GSE1: variants seen among roughly 807,000 people sequenced by gnomAD.
GSE1 encodes genetic suppressor element 1.
Under a neutral mutation model 112.6 loss-of-function variants are expected in GSE1, and 32 were observed. The observed-to-expected ratio is 0.28, with a 90% CI of 0.21 to 0.38. The LOEUF (loss-of-function observed/expected upper bound fraction) is 0.38. Ranked by LOEUF, GSE1 falls within the 10% of genes least tolerant of loss-of-function variation. The pLI, the probability that GSE1 is intolerant of heterozygous loss-of-function variation, is 1.00. For missense variants in GSE1, 2,348 were observed against 1,699.2 expected, an observed-to-expected ratio of 1.38 and a Z score of -6.71; for synonymous variants, 1,115 against 735.6, an observed-to-expected ratio of 1.52 and a Z score of -8.35.
chr16:85,551,932 C>T (rs1008547449), upstream of GSE1, among the ~76,000 whole-genome samples: 3 of 152,248 alleles, frequency 2.0e-5, no homozygotes, highest in Non-Finnish European at 2.9e-5. Context: ...TCTTCTCTGG[C>T]CCTCTCCTTC....
intron 1 of GSE1, among the ~76,000 whole-genome samples, chr16:85,256,194 C>G (rs1198031022): frequency 6.6e-6 from 1 of 151,934 alleles, no homozygotes; most frequent in Non-Finnish European, 1.5e-5. Flanking sequence ...GGCAGGCAGA[C>G]TCGGACAGCA....
chr16:85,473,043 C>T (rs1300318740), intron 2 of GSE1, among the ~76,000 whole-genome samples: 4 of 152,234 alleles, frequency 2.6e-5, no homozygotes, highest in South Asian at 2.1e-4. Context: ...GAGGTGCGCC[C>T]GGCACCAAGA....
chr16:85,560,110 C>CT lies in GSE1; in HGVS notation c.37+3755dup, dbSNP rs1361428723. Reference sequence around the variant, plus strand: ...GAATTATTTGCAGCAAGTCACAGAGCTTTTTTTTCTTCTTCTTCTTTTTTT... The same window carrying CT: ...GAATTATTTGCAGCAAGTCACAGAGCTTTTTTTTTCTTCTTCTTCTTTTTTT... On this transcript the variant is annotated intron_variant, in intron 1 of 2. Transcript: ENST00000635906. Among the ~76,000 whole-genome samples the CT allele has an allele frequency of 4.5e-5, 6 of 134,012 alleles. No individual in the cohort carries two copies. The South Asian group carries it at 9.7e-4, about 22-fold the overall frequency. 87.9% of individuals were successfully genotyped at this position (134,012 alleles called of 152,430 possible).
intron 1 of GSE1, among the ~76,000 whole-genome samples, chr16:85,591,931 C>T (rs1448941390): frequency 6.6e-6 from 1 of 152,176 alleles, no homozygotes; most frequent in Non-Finnish European, 1.5e-5. Flanking sequence ...CCTCCAGCCA[C>T]ATGTGGCTAT....
chr16:85,668,268 A>C lies in GSE1; in HGVS notation c.3259A>C (p.Thr1087Pro), dbSNP rs1036881303. ...PQHNGQQEPP[T>P]ARKGPPTQEL... ...GCACAATGGGCAGCAGGAGCCCCCC[A>C]CTGCAAGGAAGGGCCCCCCAACCCA... The change falls in exon 14 of 16, where the codon ACT becomes CCT. Residue 1087 changes from threonine (T) to proline (P), a missense_variant. Coordinates refer to ENST00000253458, the MANE Select transcript of GSE1 (RefSeq NM_014615.5). The C allele has an allele frequency of 4.3e-6, 7 of 1,611,440 alleles. No homozygotes were observed. The highest frequency in any genetic ancestry group is 3.3e-5 in the Admixed American group (2 of 59,978).
intron 2 of GSE1, among the ~76,000 whole-genome samples, chr16:85,364,740 G>C (rs890723767): frequency 6.6e-6 from 1 of 152,076 alleles, no homozygotes; most frequent in Non-Finnish European, 1.5e-5. Flanking sequence ...CCCACTTCCC[G>C]TTGGCCTGGA....
intron 1 of GSE1, among the ~76,000 whole-genome samples, chr16:85,300,496 C>CT (rs1281032972): frequency 6.6e-6 from 1 of 152,250 alleles, no homozygotes; most frequent in Admixed American, 6.5e-5. Flanking sequence ...CTTCCTGTCT[C>CT]TAAGGAGCTG....
At chr16:85,339,541 G>A (rs948483545) in intron 1 of GSE1, among the ~76,000 whole-genome samples, 1 of 151,636 alleles carries the variant, frequency 6.6e-6, no homozygotes, top group Non-Finnish European at 1.5e-5. Flanking sequence ...CAGGGAAGGC[G>A]GCAGTGAAAA....
chr16:85,354,137 C>G (rs1300988772), intron 1 of GSE1, among the ~76,000 whole-genome samples: 1 of 152,212 alleles, frequency 6.6e-6, no homozygotes, highest in Non-Finnish European at 1.5e-5. Flanking sequence ...GGACCCCTCC[C>G]CTTCTCAAAC....
chr16:85,542,945 T>C (rs1331504778), intron 2 of GSE1, among the ~76,000 whole-genome samples: 1 of 152,184 alleles, frequency 6.6e-6, no homozygotes, highest in African/African-American at 2.4e-5. Context: ...TGTCTCCTTG[T>C]AGCCGGGCGT....
At chr16:85,537,107 G>C (rs2044356501) in intron 2 of GSE1, among the ~76,000 whole-genome samples, 1 of 152,214 alleles carries the variant, frequency 6.6e-6, no homozygotes, top group African/African-American at 2.4e-5. Context: ...ACAGGAGGGA[G>C]ATTCCAGCTG....
intron 1 of GSE1, among the ~76,000 whole-genome samples, chr16:85,220,629 GCCC>G (rs1275182710): frequency 7.2e-5 from 11 of 152,216 alleles, no homozygotes; most frequent in African/African-American, 2.6e-4. Flanking sequence ...GCCCGCTGCT[GCCC>G]GCTGCTGCCC....
chr16:85,235,241 C>T (rs1056507005), intron 1 of GSE1, among the ~76,000 whole-genome samples: 1 of 152,012 alleles, frequency 6.6e-6, no homozygotes, highest in Non-Finnish European at 1.5e-5. Flanking sequence ...GAACAAGCTC[C>T]CAACCCCCCG....
chr16:85,674,710 C>T lies in GSE1; in HGVS notation c.*2171C>T, dbSNP rs2053586514. On this transcript the variant is annotated 3_prime_UTR_variant, in exon 16 of 16. Transcript: ENST00000253458. ...CATCCCTTACCATCCAAGGGGCACT[C>T]CCTTGGTTGGATTTTCTATGACAGC... 6.6e-6 allele frequency: 1 copy of T among 152,264 alleles called. No individual in the cohort carries two copies. The highest frequency in any genetic ancestry group is 1.9e-4 in the East Asian group (1 of 5,202). 9.4% of individuals were successfully genotyped at this position (152,264 alleles called of 1,614,324 possible).
rs74031898 is a variant in GSE1 at position 85,635,901 on chromosome 16, C to T, written c.226+1769C>T. Reference sequence around the variant, plus strand: ...AGGTGTTCAGACTCGCCTTCCCTCCCTGGGCCCAGCAGCGGCCGTGGGCGT... The same window carrying T: ...AGGTGTTCAGACTCGCCTTCCCTCCTTGGGCCCAGCAGCGGCCGTGGGCGT... On this transcript the variant is annotated intron_variant, in intron 2 of 15. Coordinates refer to ENST00000253458, the MANE Select transcript of GSE1 (RefSeq NM_014615.5). Among the ~76,000 whole-genome samples the T allele has an allele frequency of 9.5e-3, 1,453 of 152,304 alleles. 27 individuals are homozygous for T. Among genetic ancestry groups the T allele is most frequent in the African/African-American group, 0.034 (1,396 of 41,582 alleles).
intron 2 of GSE1, among the ~76,000 whole-genome samples, chr16:85,466,337 TG>T (rs1367372441): frequency 6.6e-6 from 1 of 151,850 alleles, no homozygotes; most frequent in Admixed American, 6.6e-5. Context: ...CAAGGAGGAG[TG>T]GCCCCCAGGA....
At chr16:85,335,092 C>A (rs74405358) in intron 1 of GSE1, among the ~76,000 whole-genome samples, 3 of 152,192 alleles carry the variant, frequency 2.0e-5, no homozygotes, top group African/African-American at 7.2e-5. Flanking sequence ...GTGGGACTCC[C>A]GTGCCTGCGC....
At chr16:85,602,305 G>A (rs1042504988) in intron 1 of GSE1, among the ~76,000 whole-genome samples, 1 of 152,200 alleles carries the variant, frequency 6.6e-6, no homozygotes, top group Non-Finnish European at 1.5e-5. Context: ...AGGCCTGCGT[G>A]TCCCCAGCCA....
intron 2 of GSE1, among the ~76,000 whole-genome samples, chr16:85,411,018 C>CCGGATAATCCTCA (rs2048521662): frequency 1.1e-4 from 9 of 84,046 alleles, no homozygotes; most frequent in Non-Finnish European, 1.3e-4. Context: ...TCAGAGCCCC[C>CCGGATAATCCTCA]CTGGATAATC....
Sources: allele counts gnomAD v4.1 joint callset (sites outside exome capture counted in the v4.1 genomes callset), GRCh38; gene constraint gnomAD v4.1.1; transcripts MANE v1.5; gene names NCBI Gene and HGNC (gene_info 2026-07-23, HGNC 2026-07-21).